AGTPBP1: variants seen among roughly 807,000 people sequenced by gnomAD.
AGTPBP1 encodes cytosolic carboxypeptidase 1.
AGTPBP1 carries 70 observed loss-of-function variants against 143.9 expected under a neutral mutation model. That is an observed-to-expected ratio of 0.49 (90% CI 0.40 to 0.59). The LOEUF (loss-of-function observed/expected upper bound fraction) is 0.59. AGTPBP1 is among the 20% of genes least tolerant of loss of function. The pLI is 0.00. For missense variants in AGTPBP1, 1,229 were observed against 1,464.5 expected (o/e 0.84, Z 2.62); for synonymous variants, 463 against 500.2 (o/e 0.93, Z 0.99).
intron 2 of AGTPBP1, among the ~76,000 whole-genome samples, chr9:85,693,521 C>T (rs138998426): frequency 0.023 from 3,498 of 152,208 alleles, 125 homozygotes; most frequent in African/African-American, 0.073. Flanking sequence ...TTGCTTGAAT[C>T]CAGGAGGCGG....
chr9:85,744,957 C>A (rs769902454), upstream of AGTPBP1, among the ~76,000 whole-genome samples: 5 of 152,204 alleles, frequency 3.3e-5, no homozygotes, highest in Non-Finnish European at 5.9e-5. Flanking sequence ...CTTCAATAAA[C>A]CTTATTATGA....
intron 14 of AGTPBP1, among the ~76,000 whole-genome samples, chr9:85,625,235 C>T: frequency 6.6e-6 from 1 of 152,232 alleles, no homozygotes; most frequent in Admixed American, 6.5e-5. Flanking sequence ...TCTGATCACC[C>T]TCTACCAGTG....
intron 17 of AGTPBP1, among the ~76,000 whole-genome samples, chr9:85,609,608 T>C (rs1014312929): frequency 1.3e-5 from 2 of 152,136 alleles, no homozygotes; most frequent in East Asian, 3.8e-4. Context: ...CATCATTCAC[T>C]ACTAAAGTAA....
At chr9:85,762,087 G>A in the AGTPBP1 span, among the ~76,000 whole-genome samples, 6 of 152,172 alleles carry the variant, frequency 3.9e-5, no homozygotes, top group African/African-American at 1.4e-4. Context: ...TCTCACACCA[G>A]TTAGAATGGC....
intron 2 of AGTPBP1, among the ~76,000 whole-genome samples, chr9:85,708,530 C>T (rs1188890256): frequency 6.6e-6 from 1 of 152,088 alleles, no homozygotes; most frequent in Non-Finnish European, 1.5e-5. Context: ...TGAATTTATA[C>T]TTTATTGTTT....
intron 11 of AGTPBP1, among the ~76,000 whole-genome samples, chr9:85,652,708 C>A (rs1833244116): frequency 6.6e-6 from 1 of 152,108 alleles, no homozygotes; most frequent in African/African-American, 2.4e-5. Flanking sequence ...GTAGAGTGTT[C>A]CTGAGTTCTG....
At chr9:85,634,510 A>G (rs1002245925) in intron 13 of AGTPBP1, among the ~76,000 whole-genome samples, 6 of 152,134 alleles carry the variant, frequency 3.9e-5, no homozygotes, top group Non-Finnish European at 8.8e-5. Flanking sequence ...CTTGCACACT[A>G]TAAGAATTTG....
intron 11 of AGTPBP1, among the ~76,000 whole-genome samples, chr9:85,650,281 G>A (rs1833077856): frequency 6.6e-6 from 1 of 152,004 alleles, no homozygotes; most frequent in Non-Finnish European, 1.5e-5. Flanking sequence ...TTTGAACTGT[G>A]CAGGTTCGTT....
At chr9:85,633,681 C>T (rs1437369247) in intron 13 of AGTPBP1, among the ~76,000 whole-genome samples, 8 of 152,032 alleles carry the variant, frequency 5.3e-5, no homozygotes, top group Non-Finnish European at 8.8e-5. Context: ...CATTCAATAA[C>T]ATTACAGTGT....
the AGTPBP1 span, among the ~76,000 whole-genome samples, chr9:85,753,803 T>C: frequency 1.4e-5 from 2 of 145,162 alleles, no homozygotes; most frequent in South Asian, 2.2e-4. Context: ...GATAGATAGA[T>C]AGATGTAAAA....
At chr9:85,652,080 G>A (rs1461439904) in intron 11 of AGTPBP1, among the ~76,000 whole-genome samples, 1 of 152,214 alleles carries the variant, frequency 6.6e-6, no homozygotes, top group Non-Finnish European at 1.5e-5. Flanking sequence ...TGATCAGACA[G>A]TTGGAACTTC....
At chr9:85,677,872 C>T (rs543045004) in intron 5 of AGTPBP1, among the ~76,000 whole-genome samples, 113 of 152,106 alleles carry the variant, frequency 7.4e-4, no homozygotes, top group South Asian at 2.5e-3. Flanking sequence ...GGCATGGTGG[C>T]GCACACCTAT....
At chr9:85,695,325 T>G (rs1014243043) in intron 2 of AGTPBP1, among the ~76,000 whole-genome samples, 3 of 152,136 alleles carry the variant, frequency 2.0e-5, no homozygotes, top group African/African-American at 7.2e-5. Flanking sequence ...CCTTGTTTTA[T>G]CTGGTTCTTA....
rs1344215348 is a variant in AGTPBP1, at chr9:85,547,162, CAGA to C, written c.3625_3627del (p.Ser1209del). 4.3e-6 allele frequency: 7 copies of C among 1,613,026 alleles called. No individual in the cohort carries two copies. In the Admixed American group the frequency reaches 6.7e-5, roughly 15 times the overall value. ...GAGTCAGAAAGTACTTCTTCTTGAG[CAGA>C]AGGTTCATAATCTCCTACATTTTCA... On this transcript the variant is annotated inframe_deletion, in exon 26 of 26. Transcript: ENST00000357081.
intron 17 of AGTPBP1, among the ~76,000 whole-genome samples, chr9:85,596,839 A>T (rs897981215): frequency 2.6e-5 from 4 of 152,154 alleles, no homozygotes; most frequent in African/African-American, 9.7e-5. Context: ...TAATGGGAAA[A>T]CACCACCAAA....
intron 1 of AGTPBP1, among the ~76,000 whole-genome samples, chr9:85,738,670 C>T (rs1296735062): frequency 3.3e-5 from 5 of 152,086 alleles, no homozygotes; most frequent in African/African-American, 9.7e-5. Context: ...AAGGGACAAA[C>T]GGATTTATCA....
At chr9:85,584,256 A>G (rs7849288) in intron 23 of AGTPBP1, among the ~76,000 whole-genome samples, 9,289 of 152,022 alleles carry the variant, frequency 0.061, 935 homozygotes, top group African/African-American at 0.21. Flanking sequence ...TATTTTCTGA[A>G]GGTCGTGTGG....
chr9:85,791,685 C>T, the AGTPBP1 span: 2 of 152,058 alleles, frequency 1.3e-5, no homozygotes, highest in Non-Finnish European at 1.5e-5. Context: ...TCTCTAAACA[C>T]TAAAGAATAC....
At position 85,589,615 on chromosome 9, in the gene AGTPBP1, A is replaced by T; in HGVS notation, c.2635T>A (p.Cys879Ser). 6.2e-7 allele frequency: 1 copy of T among 1,613,692 alleles called. No homozygotes were observed. Among genetic ancestry groups the T allele is most frequent in the South Asian group, 1.1e-5 (1 of 91,024 alleles). ...CAGCTGTTTCCAGACAGGGTTTCAC[A>T]TAACACATCTTTCCGAAAATAGATT... is the stretch of plus-strand genomic sequence containing the variant. ...QQIYFRKDVL[C>S]ETLSGNSCPL... Residue 879 changes from cysteine to serine, a missense_variant, in exon 20 of 26, where the codon TGT becomes AGT. Physicochemically the swap from Cys to Ser is moderately radical, Grantham distance 112. Around this residue, in one of 2 missense-constraint regions of AGTPBP1, gnomAD observed 486 missense variants for 652.3 expected, o/e 0.75. Transcript: ENST00000357081.
Sources: gnomAD v4.1 joint callset for allele counts (sites outside exome capture counted in the v4.1 genomes callset) on GRCh38, gnomAD v4.1.1 for gene constraint, gnomAD v4.1.1 regional missense constraint, MANE v1.5 for transcripts, NCBI Gene and HGNC (gene_info 2026-07-23, HGNC 2026-07-21) for gene names.